Variants in ARHGEF37 observed in about 807,000 individuals in gnomAD.
ARHGEF37 encodes Rho guanine nucleotide exchange factor 37.
A neutral mutation model predicts 71.1 loss-of-function variants in ARHGEF37; 55 were observed. The observed-to-expected ratio is 0.77, with a 90% CI of 0.62 to 0.97. ARHGEF37 has a LOEUF of 0.97. Among genes scored for constraint, ARHGEF37 ranks in the 50% least tolerant of loss-of-function variants. The pLI, the probability that ARHGEF37 is intolerant of heterozygous loss-of-function variation, is 0.00. For missense variants in ARHGEF37, 765 were observed against 836.8 expected (o/e 0.91, Z 1.06); for synonymous variants, 327 against 350.6 (o/e 0.93, Z 0.75).
intron 3 of ARHGEF37, among the ~76,000 whole-genome samples, chr5:149,608,057 C>G (rs757587927): frequency 1.3e-4 from 20 of 152,094 alleles, no homozygotes; most frequent in Admixed American, 2.0e-4. Context: ...CATGAGCCAC[C>G]GGGCCCGGCC....
At chr5:149,552,902 T>C (rs1404499117) in intron 1 of ARHGEF37, among the ~76,000 whole-genome samples, 1 of 151,996 alleles carries the variant, frequency 6.6e-6, no homozygotes, top group Admixed American at 6.6e-5. Flanking sequence ...TGAAAGGTGG[T>C]CAAGTAATTA....
intron 10 of ARHGEF37, among the ~76,000 whole-genome samples, chr5:149,624,981 C>A (rs1471956810): frequency 6.8e-6 from 1 of 147,210 alleles, no homozygotes; most frequent in Non-Finnish European, 1.5e-5. Flanking sequence ...TTATTGCAAC[C>A]TCCACCTCTC....
chr5:149,624,544 T>G (rs1303779937), intron 10 of ARHGEF37, among the ~76,000 whole-genome samples: 2 of 152,082 alleles, frequency 1.3e-5, no homozygotes, highest in African/African-American at 4.8e-5. Flanking sequence ...GAGGCCGAGG[T>G]GGGTGGATCA....
chr5:149,622,199 C>A, intron 9 of ARHGEF37, 137 bp downstream of exon 9: 3 of 808,540 alleles, frequency 3.7e-6, no homozygotes, highest in Non-Finnish European at 5.8e-6. Context: ...TAGGAAGAGG[C>A]AGTGGGAACC....
chr5:149,598,737 C>CATATAT (rs201234693), intron 2 of ARHGEF37, among the ~76,000 whole-genome samples: 9 of 104,654 alleles, frequency 8.6e-5, no homozygotes, highest in East Asian at 4.1e-4. Flanking sequence ...AAATAAATCT[C>CATATAT]ATATATATAT....
At chr5:149,603,560 T>C (rs1420784167) in intron 3 of ARHGEF37, among the ~76,000 whole-genome samples, 1 of 152,214 alleles carries the variant, frequency 6.6e-6, no homozygotes, top group African/African-American at 2.4e-5. Context: ...TCTGAAAATA[T>C]AGTTCTTTAG....
At chr5:149,601,484 G>A (rs757073689) in intron 3 of ARHGEF37, among the ~76,000 whole-genome samples, 73 of 152,272 alleles carry the variant, frequency 4.8e-4, no homozygotes, top group Non-Finnish European at 7.5e-4. Flanking sequence ...AATTGTTAGT[G>A]ATGCAGCTAA....
intron 1 of ARHGEF37, among the ~76,000 whole-genome samples, chr5:149,592,427 A>G (rs1048835355): frequency 6.6e-6 from 1 of 152,188 alleles, no homozygotes; most frequent in African/African-American, 2.4e-5. Context: ...TTTTTTTCAC[A>G]TAGCATCATG....
intron 10 of ARHGEF37, among the ~76,000 whole-genome samples, chr5:149,624,968 G>A (rs1385579017): frequency 7.2e-6 from 1 of 139,358 alleles, no homozygotes; most frequent in African/African-American, 2.7e-5. Flanking sequence ...GTGTGGTCTT[G>A]GCTTATTGCA....
intron 1 of ARHGEF37, among the ~76,000 whole-genome samples, chr5:149,564,253 A>G (rs1196023255): frequency 1.3e-5 from 2 of 152,080 alleles, no homozygotes; most frequent in African/African-American, 2.4e-5. Context: ...TTTATACAAT[A>G]TTAGTCTTAC....
intron 1 of ARHGEF37, among the ~76,000 whole-genome samples, chr5:149,568,051 G>A (rs1035735424): frequency 6.6e-6 from 1 of 151,682 alleles, no homozygotes; most frequent in Admixed American, 6.6e-5. Context: ...TTTTGCACAC[G>A]TACTTTTTTT....
chr5:149,623,029 C>T (rs1207438242), intron 9 of ARHGEF37, among the ~76,000 whole-genome samples: 2 of 152,188 alleles, frequency 1.3e-5, no homozygotes, highest in Admixed American at 1.3e-4. Context: ...CACAGCCCTC[C>T]CCTCCAGCAC....
intron 1 of ARHGEF37, among the ~76,000 whole-genome samples, chr5:149,585,670 A>T (rs1763215087): frequency 7.9e-6 from 1 of 125,814 alleles, no homozygotes; most frequent in Non-Finnish European, 1.7e-5. Flanking sequence ...GGTGTCTGCC[A>T]CCACGCCCAG....
chr5:149,563,499 T>G (rs892207672), intron 1 of ARHGEF37, among the ~76,000 whole-genome samples: 1 of 152,228 alleles, frequency 6.6e-6, no homozygotes, highest in Non-Finnish European at 1.5e-5. Context: ...TTTTTTTGTG[T>G]CCTACACTGT....
At chr5:149,570,113 C>T (rs924134611) in intron 1 of ARHGEF37, among the ~76,000 whole-genome samples, 2 of 152,142 alleles carry the variant, frequency 1.3e-5, no homozygotes, top group Non-Finnish European at 2.9e-5. Context: ...GAAATTTTCT[C>T]TAGTCACGGA....
At chr5:149,584,549 A>G (rs1386901274) in intron 1 of ARHGEF37, among the ~76,000 whole-genome samples, 1 of 152,080 alleles carries the variant, frequency 6.6e-6, no homozygotes, top group African/African-American at 2.4e-5. Flanking sequence ...TAGTTTCTAA[A>G]ATATTGGGAT....
intron 1 of ARHGEF37, among the ~76,000 whole-genome samples, chr5:149,571,732 G>A (rs1762967644): frequency 6.6e-6 from 1 of 151,850 alleles, no homozygotes; most frequent in Admixed American, 6.6e-5. Flanking sequence ...ACCAGCTTGG[G>A]CAACATAGCA....
intron 12 of ARHGEF37, among the ~76,000 whole-genome samples, chr5:149,629,845 A>G (rs1163913704): frequency 6.6e-6 from 1 of 152,244 alleles, no homozygotes; most frequent in African/African-American, 2.4e-5. Context: ...TGTACAATGG[A>G]ATATTATTCA....
At chr5:149,614,724 G>A (rs536115799) in intron 4 of ARHGEF37, among the ~76,000 whole-genome samples, 30 of 152,278 alleles carry the variant, frequency 2.0e-4, no homozygotes, top group African/African-American at 3.6e-4. Context: ...CAGCGTAGGC[G>A]TCTCCTGATG....
Sources: allele counts gnomAD v4.1 joint callset (sites outside exome capture counted in the v4.1 genomes callset), GRCh38; gene constraint gnomAD v4.1.1; transcripts MANE v1.5; gene names NCBI Gene and HGNC (gene_info 2026-07-23, HGNC 2026-07-21).